LHX8: variants seen among roughly 807,000 people sequenced by gnomAD.
LHX8 encodes LIM/homeobox protein Lhx8.
Under a neutral mutation model 40.3 loss-of-function variants are expected in LHX8, and 12 were observed. The ratio of observed to expected loss-of-function variants is 0.30; its 90% CI spans 0.19 to 0.48. LHX8 has a LOEUF of 0.48. Among genes scored for constraint, LHX8 ranks in the 20% least tolerant of loss-of-function variants. The probability of loss-of-function intolerance (pLI) is 0.99; values close to 1 mark genes in which losing one functional copy is unlikely to be tolerated. For synonymous variants in LHX8, 179 were observed against 162.0 expected (o/e 1.10, Z -0.80); for missense variants, 344 against 433.7 (o/e 0.79, Z 1.84).
At chr1:75,146,051 T>A (rs1648451789) in intron 6 of LHX8, among the ~76,000 whole-genome samples, 1 of 152,160 alleles carries the variant, frequency 6.6e-6, no homozygotes, top group South Asian at 2.1e-4. Flanking sequence ...TGGTTCTTTA[T>A]AATTTAGGAA....
chr1:75,172,547 T>A, the LHX8 span, among the ~76,000 whole-genome samples: 1 of 152,236 alleles, frequency 6.6e-6, no homozygotes, highest in Admixed American at 6.5e-5. Flanking sequence ...TCCATAATTC[T>A]GGGTATGAAA....
At chr1:75,155,615 C>T (rs1170125217) in intron 7 of LHX8, among the ~76,000 whole-genome samples, 2 of 152,142 alleles carry the variant, frequency 1.3e-5, no homozygotes, top group Non-Finnish European at 2.9e-5. Flanking sequence ...TGGAAGCATT[C>T]TGGGCAGCCT....
At chr1:75,130,664 C>T (rs775620935), upstream of LHX8, 3 of 1,521,648 alleles carry the variant, frequency 2.0e-6, no homozygotes, top group Non-Finnish European at 2.7e-6. Context: ...AGTCTGGGAC[C>T]GGTAAGTCCC....
chr1:75,167,303 C>T, the LHX8 span, among the ~76,000 whole-genome samples: 1 of 152,190 alleles, frequency 6.6e-6, no homozygotes, highest in Admixed American at 6.5e-5. Context: ...TAGCACTTTT[C>T]CCAAATGGTT....
In LHX8 at chr1:75,145,900, G is replaced by A. The variant is rs1411858819; in HGVS notation, c.684+1952G>A. 2.0e-5 allele frequency among the ~76,000 whole-genome samples: 3 copies of A among 152,108 alleles called. No homozygotes were observed. In the South Asian group the frequency reaches 6.2e-4, roughly 31 times the overall value. ...ATCAGAATTATAGGTTTTAAAAAAT[G>A]AAAGCATATTACCATTTTCAGATTA... On this transcript the variant is annotated intron_variant, in intron 6 of 8. Transcript: ENST00000356261.
intron 7 of LHX8, among the ~76,000 whole-genome samples, chr1:75,148,969 C>T (rs1173926155): frequency 6.6e-6 from 1 of 152,158 alleles, no homozygotes; most frequent in Admixed American, 6.5e-5. Flanking sequence ...TTTTAAGTCT[C>T]TTCACATTCT....
At chr1:75,159,397 G>T (rs1258072468) in intron 8 of LHX8, 1 of 151,982 alleles carries the variant, frequency 6.6e-6, no homozygotes, top group African/African-American at 2.4e-5. Context: ...AAAATTCTCA[G>T]CTTTTGCCTC....
At chr1:75,167,176 A>C in the LHX8 span, among the ~76,000 whole-genome samples, 1 of 152,096 alleles carries the variant, frequency 6.6e-6, no homozygotes, top group Admixed American at 6.5e-5. Context: ...TATCACAAAA[A>C]CTTTCACGTC....
the LHX8 span, among the ~76,000 whole-genome samples, chr1:75,189,210 A>T: frequency 6.6e-6 from 1 of 152,218 alleles, no homozygotes; most frequent in Non-Finnish European, 1.5e-5. Flanking sequence ...AGCATTATCA[A>T]AACATAAGCA....
chr1:75,149,482 TTTGTTGTTG>T (rs369217010), intron 7 of LHX8, among the ~76,000 whole-genome samples: 6 of 151,960 alleles, frequency 3.9e-5, no homozygotes, highest in African/African-American at 2.4e-5. Context: ...GTAGTGTGGT[TTTGTTGTTG>T]TTGTTGTTGT....
the LHX8 span, among the ~76,000 whole-genome samples, chr1:75,167,252 C>T: frequency 2.0e-4 from 31 of 152,286 alleles, no homozygotes; most frequent in Middle Eastern, 3.4e-3. Context: ...TATTAAACTG[C>T]GCTGTGCCAG....
intron 8 of LHX8, 159 bp from the exon 9 acceptor site, chr1:75,160,660 T>C: frequency 3.0e-6 from 2 of 669,350 alleles, no homozygotes; most frequent in Admixed American, 2.2e-5. Flanking sequence ...CTATGCTGAA[T>C]AGGTTAATGC....
chr1:75,150,566 G>T (rs1186270911), intron 7 of LHX8, among the ~76,000 whole-genome samples: 6 of 152,158 alleles, frequency 3.9e-5, no homozygotes, highest in Non-Finnish European at 2.9e-5. Flanking sequence ...GTTGAGGAAG[G>T]AGTCGGGTGG....
At chr1:75,166,242 T>A (rs1289877771), downstream of LHX8, among the ~76,000 whole-genome samples, 2 of 152,172 alleles carry the variant, frequency 1.3e-5, no homozygotes, top group East Asian at 3.9e-4. Flanking sequence ...TCCAGCAAAG[T>A]GTTTTTACTC....
intron 7 of LHX8, among the ~76,000 whole-genome samples, chr1:75,149,861 T>G (rs1164444391): frequency 6.6e-6 from 1 of 152,156 alleles, no homozygotes; most frequent in African/African-American, 2.4e-5. Flanking sequence ...AAACATTTTA[T>G]TGAGTGAACA....
chr1:75,192,326 A>G, the LHX8 span, among the ~76,000 whole-genome samples: 3 of 152,190 alleles, frequency 2.0e-5, no homozygotes, highest in Non-Finnish European at 2.9e-5. Context: ...AAACTTCCTC[A>G]AGTTTTCCTA....
intron 8 of LHX8, among the ~76,000 whole-genome samples, chr1:75,157,868 G>A (rs1648812537): frequency 6.6e-6 from 1 of 152,034 alleles, no homozygotes. Context: ...TGCTGCTATG[G>A]ACTTTATTGT....
upstream of LHX8, chr1:75,130,981 C>T: frequency 3.4e-6 from 2 of 586,690 alleles, no homozygotes; most frequent in East Asian, 3.1e-5. Context: ...CCATCCTCCA[C>T]CGCCTCCTAC....
chr1:75,192,840 G>A, the LHX8 span, among the ~76,000 whole-genome samples: 1 of 151,790 alleles, frequency 6.6e-6, no homozygotes, highest in East Asian at 1.9e-4. Context: ...TTACAGATGT[G>A]CACCATCACA....
Sources: gnomAD v4.1 joint callset for allele counts (sites outside exome capture counted in the v4.1 genomes callset) on GRCh38, gnomAD v4.1.1 for gene constraint, MANE v1.5 for transcripts, NCBI Gene and HGNC (gene_info 2026-07-23, HGNC 2026-07-21) for gene names.